The following PPP4R3A variants were observed in gnomAD, a reference collection of about 807,000 sequenced individuals.
The protein encoded by PPP4R3A is serine/threonine-protein phosphatase 4 regulatory subunit 3A.
A neutral mutation model predicts 91.7 loss-of-function variants in PPP4R3A; 15 were observed. The observed-to-expected ratio is 0.16, with a 90% CI of 0.11 to 0.25. The LOEUF is 0.25. Ranked by LOEUF, PPP4R3A falls within the 10% of genes least tolerant of loss-of-function variation. The pLI is 1.00. For synonymous variants in PPP4R3A, 377 were observed against 348.7 expected, an observed-to-expected ratio of 1.08 and a Z score of -0.91; for missense variants, 623 against 998.4, an observed-to-expected ratio of 0.62 and a Z score of 5.07.
At chr14:91,460,765 C>CTTGA (rs1374468379) in intron 14 of PPP4R3A, among the ~76,000 whole-genome samples, 2 of 150,732 alleles carry the variant, frequency 1.3e-5, no homozygotes, top group African/African-American at 4.9e-5. Flanking sequence ...GGACTACAGG[C>CTTGA]GCCCGCCACC....
In PPP4R3A at chr14:91,458,210, AG is replaced by A. The variant is rs1887887258; in HGVS notation, c.*548del. The A allele has an allele frequency of 6.5e-6, 1 of 153,218 alleles. No individual in the cohort carries two copies. The highest frequency in any genetic ancestry group is 6.5e-5 in the Admixed American group (1 of 15,354). 9.5% of individuals were successfully genotyped at this position (153,218 alleles called of 1,614,324 possible). The stretch of plus-strand genomic sequence containing the variant: ...AAAAAAAAAAATATCTGCAGTTTGA[AG>A]GGCAAAGGGAACAGTTAAAAAAGAG... On this transcript the variant is annotated 3_prime_UTR_variant, in exon 15 of 15. Coordinates refer to ENST00000554943, the MANE Select transcript of PPP4R3A (RefSeq NM_001366432.2).
At chr14:91,475,992 C>T (rs796817783) in intron 6 of PPP4R3A, 26 bp from the exon 7 acceptor site, 4 of 1,513,650 alleles carry the variant, frequency 2.6e-6, no homozygotes, top group African/African-American at 2.8e-5. Flanking sequence ...ATTTATTTTT[C>T]CTGTATTTAT....
intron 10 of PPP4R3A, among the ~76,000 whole-genome samples, chr14:91,467,488 G>A (rs1888543452): frequency 6.6e-6 from 1 of 152,146 alleles, no homozygotes; most frequent in Non-Finnish European, 1.5e-5. Flanking sequence ...TGAATTTCAT[G>A]TAATAAATTT....
chr14:91,507,569 T>C (rs1387925794), intron 1 of PPP4R3A, among the ~76,000 whole-genome samples: 2 of 127,104 alleles, frequency 1.6e-5, no homozygotes, highest in Non-Finnish European at 3.4e-5. Flanking sequence ...ATACTATATA[T>C]TATACATACT....
chr14:91,498,323 ACT>A (rs919525103), intron 1 of PPP4R3A, among the ~76,000 whole-genome samples: 28 of 149,494 alleles, frequency 1.9e-4, no homozygotes, highest in Admixed American at 1.6e-3. Context: ...TGACAGTGAG[ACT>A]CTGTCTCAAA....
chr14:91,490,135 G>A (rs1044727696), intron 2 of PPP4R3A, among the ~76,000 whole-genome samples: 67 of 152,320 alleles, frequency 4.4e-4, no homozygotes, highest in Admixed American at 1.4e-3. Flanking sequence ...GTGGGTGTAC[G>A]TGAAGCGCAC....
Position 91,458,199 on chromosome 14 carries a change from C to G in PPP4R3A, c.*560G>C, listed in dbSNP as rs1423757594. The G allele has an allele frequency of 1.3e-5, 2 of 153,016 alleles. No individual in the cohort carries two copies. The highest frequency in any genetic ancestry group is 1.3e-4 in the Admixed American group (2 of 15,328). The allele number at this position is 153,016 out of a possible 1,614,324, so 9.5% of individuals were successfully genotyped here. On this transcript the variant is annotated 3_prime_UTR_variant, in exon 15 of 15. Transcript: ENST00000554943. ...AGTCCCCACTTAAAAAAAAAAATAT[C>G]TGCAGTTTGAAGGGCAAAGGGAACA...
intron 1 of PPP4R3A, among the ~76,000 whole-genome samples, chr14:91,497,187 A>AG (rs930300480): frequency 6.6e-6 from 1 of 152,138 alleles, no homozygotes; most frequent in Admixed American, 6.6e-5. Flanking sequence ...TCTAACTAAG[A>AG]GCAACATGTT....
intron 2 of PPP4R3A, among the ~76,000 whole-genome samples, chr14:91,488,976 C>T (rs1430681238): frequency 4.1e-5 from 6 of 146,050 alleles, no homozygotes; most frequent in Admixed American, 7.0e-5. Context: ...GGCGCAATCT[C>T]GGCTCACTGC....
At position 91,482,282 on chromosome 14, in the gene PPP4R3A, G is replaced by A. The variant is rs1021088650; in HGVS notation, c.298-89C>T. The stretch of plus-strand genomic sequence containing the variant: ...CTCTAAGATGAATACTAGAAATGTT[G>A]TAAGAAACCTATAATGGTCATTTTC... On this transcript the variant is annotated intron_variant, in intron 3 of 14. Coordinates refer to ENST00000554943, the MANE Select transcript of PPP4R3A (RefSeq NM_001366432.2). 7 of 1,363,912 alleles carry A rather than the reference G, an allele frequency of 5.1e-6. No individual in the cohort carries two copies. The African/African-American group carries it at 8.8e-5, about 17-fold the overall frequency. The allele number at this position is 1,363,912 out of a possible 1,614,324, so 84.5% of individuals were successfully genotyped here.
intron 2 of PPP4R3A, 71 bp downstream of exon 2, chr14:91,490,676 C>G: frequency 8.2e-7 from 1 of 1,219,692 alleles, no homozygotes; most frequent in South Asian, 1.3e-5. Context: ...TCACTATAAG[C>G]AATCAGATAA....
intron 5 of PPP4R3A, 90 bp from the exon 6 acceptor site, chr14:91,476,614 G>T: frequency 1.1e-6 from 1 of 913,066 alleles, no homozygotes; most frequent in Admixed American, 2.7e-5. Flanking sequence ...TGCCGACGCT[G>T]GAGTGCAATG....
intron 1 of PPP4R3A, among the ~76,000 whole-genome samples, chr14:91,507,404 TTATATATACTATATAA>T (rs1362784762): frequency 0.012 from 948 of 77,980 alleles, 15 homozygotes; most frequent in Non-Finnish European, 0.016. Context: ...TGTACTATAA[TTATATATACTATATAA>T]TATATATACT....
rs1198398439 is a variant in PPP4R3A at position 91,476,445 on chromosome 14, G to A, written c.1073C>T (p.Ser358Leu). Residue 358 changes from serine to leucine, a missense_variant, in exon 6 of 15, where the codon TCA (serine) becomes TTA (leucine). Ser to Leu is a moderately radical substitution (Grantham distance 145). Coordinates refer to ENST00000554943, the MANE Select transcript of PPP4R3A (RefSeq NM_001366432.2). Reference protein sequence around the residue: ...QNRDAFFKTLSNMGILPALEV... With the variant: ...QNRDAFFKTLLNMGILPALEV... Reference sequence around the variant, plus strand: ...TAAAGCTGGTAATATGCCCATGTTTGACAAAGTCTTGAAAAAAGCATCTCT... The same window carrying A: ...TAAAGCTGGTAATATGCCCATGTTTAACAAAGTCTTGAAAAAAGCATCTCT... The A allele has an allele frequency of 2.5e-6, 4 of 1,612,112 alleles. No homozygotes were observed. The highest frequency in any genetic ancestry group is 3.4e-6 in the Non-Finnish European group (4 of 1,179,440).
chr14:91,466,647 T>C (rs1567146747), intron 10 of PPP4R3A, among the ~76,000 whole-genome samples: 1 of 152,210 alleles, frequency 6.6e-6, no homozygotes, highest in Non-Finnish European at 1.5e-5. Flanking sequence ...TTTAAAAACA[T>C]ACTCATGGTG....
intron 4 of PPP4R3A, 120 bp from the exon 5 acceptor site, chr14:91,477,106 CTGTCT>C: frequency 1.9e-6 from 1 of 524,840 alleles, no homozygotes; most frequent in Non-Finnish European, 2.8e-6. Context: ...ATTGGCAATG[CTGTCT>C]TTTTTTTTTT....
intron 4 of PPP4R3A, among the ~76,000 whole-genome samples, chr14:91,480,926 T>C (rs1326348697): frequency 6.6e-6 from 1 of 151,918 alleles, no homozygotes; most frequent in African/African-American, 2.4e-5. Flanking sequence ...TCTTAGCTAA[T>C]TGGAAGGCTG....
At chr14:91,486,236 A>G (rs1359813360) in intron 2 of PPP4R3A, among the ~76,000 whole-genome samples, 1 of 138,956 alleles carries the variant, frequency 7.2e-6, no homozygotes, top group African/African-American at 2.7e-5. Flanking sequence ...ATTTACCTAT[A>G]CATAGGTTTT....
intron 10 of PPP4R3A, among the ~76,000 whole-genome samples, chr14:91,466,052 G>C (rs1340004368): frequency 6.6e-6 from 1 of 151,964 alleles, no homozygotes; most frequent in East Asian, 1.9e-4. Flanking sequence ...TTTTTTTCTA[G>C]TTTTCATTTT....
Sources: gnomAD v4.1 joint callset for allele counts (sites outside exome capture counted in the v4.1 genomes callset) on GRCh38, gnomAD v4.1.1 for gene constraint, MANE v1.5 for transcripts, NCBI Gene and HGNC (gene_info 2026-07-23, HGNC 2026-07-21) for gene names.